The following MYO16 variants were observed in gnomAD, a reference collection of about 807,000 sequenced individuals.
MYO16 encodes the protein unconventional myosin-XVI.
Under a neutral mutation model 205.3 loss-of-function variants are expected in MYO16, and 94 were observed. The observed-to-expected ratio is 0.46, with a 90% CI of 0.39 to 0.54. MYO16 has a LOEUF of 0.54. Among genes scored for constraint, MYO16 ranks in the 20% least tolerant of loss-of-function variants. The pLI is 0.00. For synonymous variants in MYO16, 988 were observed against 954.0 expected (o/e 1.04, Z -0.66); for missense variants, 2,315 against 2,387.5 (o/e 0.97, Z 0.63).
rs140297024 is a variant in MYO16, at chr13:108,807,681, A to G, written c.867+877A>G. ...TAATATTCCATCATGATGCTTTTAAATTTCTGAGCCGTCCATTGTACTGTC... is the reference window on the plus strand; with the variant it reads ...TAATATTCCATCATGATGCTTTTAAGTTTCTGAGCCGTCCATTGTACTGTC... On this transcript the variant is annotated intron_variant, in intron 7 of 34. Coordinates refer to ENST00000457511, the MANE Select transcript of MYO16 (RefSeq NM_001198950.3). Among the ~76,000 whole-genome samples the G allele has an allele frequency of 2.8e-3, 423 of 152,228 alleles. 3 individuals carry two copies. The highest frequency in any genetic ancestry group is 9.7e-3 in the African/African-American group (405 of 41,548).
chr13:108,709,906 A>G (rs1191683530), intron 2 of MYO16, among the ~76,000 whole-genome samples: 1 of 134,572 alleles, frequency 7.4e-6, no homozygotes, highest in African/African-American at 2.8e-5. Flanking sequence ...TTGATCATGC[A>G]AACAGCCCTC....
At chr13:109,142,761 G>A (rs1399880671) in intron 32 of MYO16, among the ~76,000 whole-genome samples, 3 of 152,222 alleles carry the variant, frequency 2.0e-5, no homozygotes, top group South Asian at 2.1e-4. Context: ...TACATGAGGT[G>A]AGCATGAAGT....
At chr13:108,499,330 C>T in the MYO16 span, among the ~76,000 whole-genome samples, 1 of 152,294 alleles carries the variant, frequency 6.6e-6, no homozygotes, top group South Asian at 2.1e-4. Context: ...AGGTGTGCTC[C>T]TTGGGATGCT....
At chr13:109,081,271 C>G (rs1438785945) in intron 27 of MYO16, among the ~76,000 whole-genome samples, 1 of 152,114 alleles carries the variant, frequency 6.6e-6, no homozygotes, top group African/African-American at 2.4e-5. Context: ...AAGTAAAATA[C>G]TGCATGGTGC....
the MYO16 span, among the ~76,000 whole-genome samples, chr13:108,496,807 G>A: frequency 6.6e-6 from 1 of 152,182 alleles, no homozygotes; most frequent in Non-Finnish European, 1.5e-5. Context: ...AGAATTATTA[G>A]CCATTGGAGG....
chr13:108,649,476 G>T (rs766074491), intron 1 of MYO16, among the ~76,000 whole-genome samples: 4 of 152,122 alleles, frequency 2.6e-5, no homozygotes, highest in Non-Finnish European at 4.4e-5. Context: ...AAAAAATAAT[G>T]GAACACTCTA....
At chr13:108,755,285 G>C (rs188581619) in intron 4 of MYO16, among the ~76,000 whole-genome samples, 1 of 152,044 alleles carries the variant, frequency 6.6e-6, no homozygotes, top group South Asian at 2.1e-4. Flanking sequence ...GAGCCCAGGG[G>C]ACTCATGCAC....
chr13:108,572,743 A>C, the MYO16 span, among the ~76,000 whole-genome samples: 1 of 152,138 alleles, frequency 6.6e-6, no homozygotes, highest in Admixed American at 6.5e-5. Flanking sequence ...CCTCCACTTA[A>C]TGGTATGCTT....
chr13:108,846,308 T>C (rs1877515515), intron 10 of MYO16, among the ~76,000 whole-genome samples: 1 of 152,138 alleles, frequency 6.6e-6, no homozygotes, highest in Non-Finnish European at 1.5e-5. Context: ...GAAACAAATT[T>C]CTGAGTTATT....
chr13:108,654,092 A>G (rs1881135726), intron 1 of MYO16, among the ~76,000 whole-genome samples: 1 of 142,564 alleles, frequency 7.0e-6, no homozygotes, highest in East Asian at 2.1e-4. Context: ...ACTATGGCTT[A>G]TGGGATGGGG....
chr13:108,598,625 G>T (rs142158558), intron 1 of MYO16, among the ~76,000 whole-genome samples: 27 of 152,210 alleles, frequency 1.8e-4, no homozygotes, highest in African/African-American at 6.3e-4. Context: ...AGAAAAAATT[G>T]TTTCAATGGT....
chr13:108,576,597 GC>G, the MYO16 span, among the ~76,000 whole-genome samples: 1 of 152,076 alleles, frequency 6.6e-6, no homozygotes, highest in African/African-American at 2.4e-5. Context: ...GAAAGTAACT[GC>G]TCTTAGTTAT....
intron 2 of MYO16, among the ~76,000 whole-genome samples, chr13:108,693,480 T>G (rs1847963441): frequency 6.6e-6 from 1 of 152,238 alleles, no homozygotes. Flanking sequence ...TAAGAGAAAT[T>G]ACACCATATA....
chr13:108,764,217 T>C (rs1442928741), intron 4 of MYO16, among the ~76,000 whole-genome samples: 1 of 152,116 alleles, frequency 6.6e-6, no homozygotes, highest in East Asian at 1.9e-4. Flanking sequence ...AACATTATAA[T>C]AGGAAAAGAA....
At chr13:108,839,618 T>C (rs897135547) in intron 9 of MYO16, among the ~76,000 whole-genome samples, 5 of 152,190 alleles carry the variant, frequency 3.3e-5, no homozygotes, top group African/African-American at 1.2e-4. Context: ...GATACAATGT[T>C]TGTTGCTTGC....
chr13:108,817,192 G>A (rs1875667767), intron 7 of MYO16, among the ~76,000 whole-genome samples: 2 of 152,126 alleles, frequency 1.3e-5, no homozygotes, highest in Non-Finnish European at 2.9e-5. Flanking sequence ...ATTTTAGAAT[G>A]TTCAAAAGAG....
At chr13:108,688,032 T>TTTGCCATGTA (rs1195270576) in intron 2 of MYO16, among the ~76,000 whole-genome samples, 1 of 152,222 alleles carries the variant, frequency 6.6e-6, no homozygotes. Flanking sequence ...TTTGAGTATC[T>TTTGCCATGTA]GAAGCATTTG....
chr13:108,947,721 A>C (rs1278365738), intron 16 of MYO16, among the ~76,000 whole-genome samples: 1 of 152,212 alleles, frequency 6.6e-6, no homozygotes, highest in African/African-American at 2.4e-5. Flanking sequence ...TCCAAGAAAC[A>C]AATAATTGGC....
intron 21 of MYO16, among the ~76,000 whole-genome samples, chr13:108,995,301 C>G (rs1884965806): frequency 6.6e-6 from 1 of 152,174 alleles, no homozygotes; most frequent in Non-Finnish European, 1.5e-5. Context: ...GCACTAATCT[C>G]ACTCGGGATG....
Sources: gnomAD v4.1 joint callset for allele counts (sites outside exome capture counted in the v4.1 genomes callset) on GRCh38, gnomAD v4.1.1 for gene constraint, MANE v1.5 for transcripts, NCBI Gene and HGNC (gene_info 2026-07-23, HGNC 2026-07-21) for gene names.